EHBP1: variants seen among roughly 807,000 people sequenced by gnomAD.
EHBP1 encodes the protein EH domain binding protein 1.
In EHBP1, 55 loss-of-function variants were observed where a neutral mutation model predicts 144.0. The ratio of observed to expected loss-of-function variants is 0.38; its 90% CI spans 0.31 to 0.48. The LOEUF is 0.48. EHBP1 is among the 20% of genes least tolerant of loss of function. EHBP1 has a pLI of 0.98. For synonymous variants in EHBP1, 469 were observed against 472.7 expected (o/e 0.99, Z 0.10); for missense variants, 1,200 against 1,364.2 (o/e 0.88, Z 1.90).
At chr2:62,832,438 CTTT>C (rs202005406) in intron 7 of EHBP1, among the ~76,000 whole-genome samples, 1 of 117,818 alleles carries the variant, frequency 8.5e-6, no homozygotes, top group Non-Finnish European at 1.8e-5. Context: ...TTTCTTTTTT[CTTT>C]TTTTTTTTTT....
At position 63,035,568 on chromosome 2, in the gene EHBP1, C is replaced by T. The variant is rs146818109; in HGVS notation, c.3104-1967C>T. On this transcript the variant is annotated intron_variant, in intron 19 of 22. Coordinates refer to ENST00000431489, the MANE Select transcript of EHBP1 (RefSeq NM_001142616.3). ...AGTAGGCTGATTGCTTCTAGTATTG[C>T]CTGAAAACCTCAAATTATAGGTTAA... Among the ~76,000 whole-genome samples, 1,459 of 152,004 alleles carry T rather than the reference C, an allele frequency of 9.6e-3. 17 individuals carry two copies. The highest frequency in any genetic ancestry group is 0.016 in the Non-Finnish European group (1,103 of 67,888).
At chr2:63,011,162 A>AG (rs1257845476) in intron 19 of EHBP1, among the ~76,000 whole-genome samples, 2 of 151,490 alleles carry the variant, frequency 1.3e-5, no homozygotes, top group East Asian at 3.8e-4. Context: ...AAAAAAAAAA[A>AG]AAGTTTAACA....
chr2:62,986,727 G>A (rs932923411), intron 15 of EHBP1, among the ~76,000 whole-genome samples: 6 of 151,966 alleles, frequency 3.9e-5, no homozygotes, highest in African/African-American at 7.2e-5. Context: ...GTGAGCCACC[G>A]CACCCAGTCA....
chr2:62,717,424 G>A (rs2035788646), intron 2 of EHBP1, among the ~76,000 whole-genome samples: 1 of 152,190 alleles, frequency 6.6e-6, no homozygotes, highest in Admixed American at 6.5e-5. Context: ...AGGAAAAATT[G>A]CACAAAGCAT....
At chr2:62,790,525 C>T (rs889523684) in intron 5 of EHBP1, among the ~76,000 whole-genome samples, 14 of 152,082 alleles carry the variant, frequency 9.2e-5, no homozygotes, top group African/African-American at 3.4e-4. Flanking sequence ...AATAGTGTTA[C>T]TTTATATAAG....
At chr2:62,750,991 A>C (rs2039650629) in intron 3 of EHBP1, among the ~76,000 whole-genome samples, 1 of 152,150 alleles carries the variant, frequency 6.6e-6, no homozygotes, top group Admixed American at 6.5e-5. Flanking sequence ...CTCTTGCCTG[A>C]TTGCCCTAGC....
chr2:62,704,657 ACT>A (rs951037683), upstream of EHBP1, among the ~76,000 whole-genome samples: 4 of 150,548 alleles, frequency 2.7e-5, no homozygotes, highest in African/African-American at 7.4e-5. Context: ...TTCCCATTTT[ACT>A]CTGTTTATTC....
chr2:62,940,433 A>G (rs910906902), intron 10 of EHBP1, among the ~76,000 whole-genome samples: 2 of 152,114 alleles, frequency 1.3e-5, no homozygotes, highest in Non-Finnish European at 2.9e-5. Context: ...TGTTACTACA[A>G]CCCTATGAGA....
At chr2:63,003,946 C>T (rs1271771238) in intron 19 of EHBP1, among the ~76,000 whole-genome samples, 1 of 152,032 alleles carries the variant, frequency 6.6e-6, no homozygotes, top group Non-Finnish European at 1.5e-5. Flanking sequence ...CATCTTGATG[C>T]TGTTAAAGCA....
intron 3 of EHBP1, among the ~76,000 whole-genome samples, chr2:62,761,237 G>A (rs1174923534): frequency 6.6e-6 from 1 of 152,080 alleles, no homozygotes; most frequent in Non-Finnish European, 1.5e-5. Flanking sequence ...CATGGAAATA[G>A]GGGACTAGAG....
intron 19 of EHBP1, among the ~76,000 whole-genome samples, chr2:63,000,706 A>C (rs188286554): frequency 6.6e-6 from 1 of 152,244 alleles, no homozygotes; most frequent in East Asian, 1.9e-4. Context: ...TCTCAAAACA[A>C]CAACAACAAC....
intron 10 of EHBP1, among the ~76,000 whole-genome samples, chr2:62,935,345 ATAT>A (rs1441261595): frequency 3.5e-3 from 268 of 76,768 alleles, no homozygotes; most frequent in African/African-American, 0.011. Context: ...AAAAAAAAAA[ATAT>A]ATATATATAT....
At chr2:62,733,892 G>A (rs1217215267) in intron 2 of EHBP1, among the ~76,000 whole-genome samples, 1 of 152,152 alleles carries the variant, frequency 6.6e-6, no homozygotes, top group Non-Finnish European at 1.5e-5. Flanking sequence ...GTACTGTGGA[G>A]CATACTGGTT....
chr2:62,955,476 G>GC, intron 13 of EHBP1, 41 bp from the exon 14 acceptor site: 1 of 1,361,556 alleles, frequency 7.3e-7, no homozygotes, highest in Non-Finnish European at 9.9e-7. Context: ...TAGATTACCC[G>GC]TTTTTTTTTT....
At chr2:62,723,653 G>C (rs1286561217) in intron 2 of EHBP1, among the ~76,000 whole-genome samples, 2 of 152,158 alleles carry the variant, frequency 1.3e-5, no homozygotes, top group Admixed American at 1.3e-4. Flanking sequence ...TCCTTTAGGA[G>C]CTCTTGTAAG....
intron 6 of EHBP1, among the ~76,000 whole-genome samples, chr2:62,829,391 A>G (rs193288864): frequency 7.9e-5 from 12 of 151,734 alleles, no homozygotes; most frequent in Admixed American, 6.6e-4. Context: ...TCCAAAGTCC[A>G]TTATATTACT....
Position 62,911,451 on chromosome 2 carries a change from G to T in EHBP1, c.1186-31267G>T, listed in dbSNP as rs2054211161. Among the ~76,000 whole-genome samples the T allele has an allele frequency of 3.3e-5, 5 of 151,950 alleles. No homozygotes were observed. In the South Asian group the frequency reaches 1.0e-3, roughly 32 times the overall value. The stretch of plus-strand genomic sequence containing the variant: ...TTTTTAACTTTCCTGTCCTGTTTAG[G>T]AACTTTTATTTCATTTTATCTTATT... On this transcript the variant is annotated intron_variant, in intron 10 of 22. Transcript: ENST00000431489.
At chr2:62,786,327 G>A (rs2042801064) in intron 5 of EHBP1, among the ~76,000 whole-genome samples, 1 of 152,092 alleles carries the variant, frequency 6.6e-6, no homozygotes, top group Non-Finnish European at 1.5e-5. Flanking sequence ...TTTCATGGCA[G>A]CTAAAGACTT....
intron 5 of EHBP1, among the ~76,000 whole-genome samples, chr2:62,802,720 T>C (rs78056385): frequency 4.0e-5 from 5 of 124,748 alleles, no homozygotes; most frequent in Non-Finnish European, 6.9e-5. Context: ...GGGATCATAC[T>C]TTTTTTTTTT....
Sources: allele counts gnomAD v4.1 joint callset (sites outside exome capture counted in the v4.1 genomes callset), GRCh38; gene constraint gnomAD v4.1.1; transcripts MANE v1.5; gene names NCBI Gene and HGNC (gene_info 2026-07-23, HGNC 2026-07-21).